Variants in LARS1 observed in about 807,000 individuals in gnomAD.
The protein encoded by LARS1 is leucyl-tRNA synthetase 1, also known as leucine--tRNA ligase, cytoplasmic.
Under a neutral mutation model 162.8 loss-of-function variants are expected in LARS1, and 100 were observed. The observed-to-expected ratio is 0.61, with a 90% CI of 0.52 to 0.73. The LOEUF (loss-of-function observed/expected upper bound fraction) is 0.73, where lower values mean the gene tolerates loss of function less well. LARS1 is among the 30% of genes least tolerant of loss of function. The pLI is 0.00. For synonymous variants in LARS1, 457 were observed against 462.8 expected, an observed-to-expected ratio of 0.99 and a Z score of 0.16; for missense variants, 1,258 against 1,408.9, an observed-to-expected ratio of 0.89 and a Z score of 1.71.
At chr5:146,162,894 C>A (rs1272643222) in intron 6 of LARS1, among the ~76,000 whole-genome samples, 1 of 152,238 alleles carries the variant, frequency 6.6e-6, no homozygotes, top group African/African-American at 2.4e-5. Flanking sequence ...CAGCTCACTG[C>A]AACCTCCTGG....
At chr5:146,182,384 T>A in intron 1 of LARS1, 104 bp downstream of exon 1, 2 of 1,483,250 alleles carry the variant, frequency 1.3e-6, no homozygotes, top group South Asian at 2.3e-5. Flanking sequence ...AGCGTGGCTC[T>A]CTTTTAGAAA....
At chr5:146,162,671 C>T (rs1261576853) in intron 6 of LARS1, among the ~76,000 whole-genome samples, 1 of 152,258 alleles carries the variant, frequency 6.6e-6, no homozygotes, top group Non-Finnish European at 1.5e-5. Context: ...ACTGACTTCT[C>T]TCTAGCTATG....
chr5:146,142,924 T>G lies in LARS1; in HGVS notation c.2038A>C (p.Asn680His). The G allele has an allele frequency of 6.2e-7, 1 of 1,614,016 alleles. No individual in the cohort carries two copies. The highest frequency in any genetic ancestry group is 1.1e-5 in the South Asian group (1 of 91,080). Residue 680 changes from asparagine to histidine, a missense_variant, in exon 20 of 32, where the codon AAT becomes CAT. Coordinates refer to ENST00000394434, the MANE Select transcript of LARS1 (RefSeq NM_020117.11). Reference protein sequence around the residue: ...LRVSGKDLVPNHLSYYLYNHV... With the variant: ...LRVSGKDLVPHHLSYYLYNHV... The stretch of plus-strand genomic sequence containing the variant: ...TTATAAAGGTAATATGAAAGATGAT[T>G]TGGAACAAGATCCTTGCCAGAGACG...
Position 146,172,712 on chromosome 5 carries a change from T to C in LARS1, c.188A>G (p.His63Arg). 6.3e-7 allele frequency: 1 copy of C among 1,583,234 alleles called. No individual in the cohort carries two copies. Among genetic ancestry groups the C allele is most frequent in the Non-Finnish European group, 8.6e-7 (1 of 1,165,776 alleles). Residue 63 changes from histidine (H) to arginine (R), a missense_variant, in exon 3 of 32, where the codon CAC becomes CGC. Physicochemically the swap from His to Arg is conservative, Grantham distance 29. Transcript: ENST00000394434. ...CTCACATTTGGATAAAGAAAACGTG[T>C]GTCCCAAATGAAGGCGTCCATTCAT... ...PYMNGRLHLG[H>R]TFSLSKCEFA... is the part of the protein sequence containing the mutation.
At chr5:146,142,748 A>C (rs1752840218) in intron 20 of LARS1, 124 bp downstream of exon 20, 1 of 737,654 alleles carries the variant, frequency 1.4e-6, no homozygotes, top group Non-Finnish European at 2.2e-6. Context: ...ATTTAAGATA[A>C]GAAAAAGAAT....
intron 5 of LARS1, 72 bp downstream of exon 5, chr5:146,168,056 G>T: frequency 7.9e-7 from 1 of 1,270,804 alleles, no homozygotes; most frequent in Non-Finnish European, 1.1e-6. Context: ...CACTGTGCTA[G>T]TACTGGGAAT....
rs559484167 is a variant in LARS1 at position 146,158,879 on chromosome 5, G to A, written c.771+528C>T. Among the ~76,000 whole-genome samples the A allele has an allele frequency of 3.8e-3, 576 of 152,164 alleles. 2 individuals carry two copies. The highest frequency in any genetic ancestry group is 0.013 in the African/African-American group (556 of 41,494). Reference sequence around the variant, plus strand: ...TGGGAGGCCAAGGCGGGCAGATCACGAGGTCAGGAGATCGAGACCATCCTG... The same window carrying A: ...TGGGAGGCCAAGGCGGGCAGATCACAAGGTCAGGAGATCGAGACCATCCTG... On this transcript the variant is annotated intron_variant, in intron 8 of 31. Transcript: ENST00000394434.
intron 24 of LARS1, chr5:146,130,458 T>C (rs1458809417): frequency 6.6e-6 from 2 of 303,782 alleles, no homozygotes; most frequent in East Asian, 8.7e-5. Flanking sequence ...CTTAGCAGCA[T>C]ATAGGATATT....
intron 6 of LARS1, among the ~76,000 whole-genome samples, chr5:146,163,152 A>G (rs1031938835): frequency 6.6e-6 from 1 of 152,082 alleles, no homozygotes; most frequent in Non-Finnish European, 1.5e-5. Flanking sequence ...TCTTTCCTTA[A>G]ACCTTAAGAA....
intron 1 of LARS1, among the ~76,000 whole-genome samples, chr5:146,179,400 G>T (rs1201160179): frequency 1.3e-5 from 2 of 151,952 alleles, no homozygotes; most frequent in Non-Finnish European, 2.9e-5. Context: ...GACCTCAGGT[G>T]GTCCACCCGT....
intron 2 of LARS1, among the ~76,000 whole-genome samples, chr5:146,173,126 C>T (rs1321301118): frequency 6.6e-6 from 1 of 152,050 alleles, no homozygotes; most frequent in Non-Finnish European, 1.5e-5. Context: ...GGCTGGTGGA[C>T]TGCTTGAGGC....
chr5:146,157,474 T>C lies in LARS1; in HGVS notation c.994A>G (p.Arg332Gly), dbSNP rs772937922. The C allele has an allele frequency of 1.2e-6, 2 of 1,614,226 alleles. No individual in the cohort carries two copies. Among genetic ancestry groups the C allele is most frequent in the Non-Finnish European group, 1.7e-6 (2 of 1,180,030 alleles). ...GTAAAGCCCTGGTATGACATATTCCTGGCTGCTTTTTGGGTACAGATGAAT... is the reference window on the plus strand; with the variant it reads ...GTAAAGCCCTGGTATGACATATTCCCGGCTGCTTTTTGGGTACAGATGAAT... ...DIFICTQKAARNMSYQGFTKD... is the reference protein window; with the variant it reads ...DIFICTQKAAGNMSYQGFTKD... Residue 332 changes from arginine to glycine, a missense_variant, in exon 10 of 32, where the codon AGG becomes GGG. Arg to Gly is a moderately radical substitution (Grantham distance 125). Transcript: ENST00000394434.
chr5:146,154,850 A>G (rs1270666059), intron 10 of LARS1, among the ~76,000 whole-genome samples: 1 of 152,114 alleles, frequency 6.6e-6, no homozygotes, highest in Non-Finnish European at 1.5e-5. Context: ...TACCTACTAG[A>G]GGAAAAATAA....
At chr5:146,179,837 A>C (rs1224670212) in intron 1 of LARS1, among the ~76,000 whole-genome samples, 1 of 152,212 alleles carries the variant, frequency 6.6e-6, no homozygotes, top group Non-Finnish European at 1.5e-5. Context: ...TCCTAGGCTC[A>C]AGCAATCCAC....
intron 13 of LARS1, 121 bp from the exon 14 acceptor site, chr5:146,152,123 C>T: frequency 1.0e-6 from 1 of 995,930 alleles, no homozygotes; most frequent in Non-Finnish European, 1.5e-6. Context: ...GTCATTACGA[C>T]ACTGCCACAC....
intron 24 of LARS1, 81 bp downstream of exon 24, chr5:146,130,938 A>C: frequency 1.4e-6 from 1 of 712,012 alleles, no homozygotes; most frequent in East Asian, 2.8e-5. Flanking sequence ...TAATTGTGCT[A>C]TAGCAGGAAG....
chr5:146,167,656 A>G (rs1334054790), intron 5 of LARS1, among the ~76,000 whole-genome samples: 1 of 151,392 alleles, frequency 6.6e-6, no homozygotes, highest in African/African-American at 2.4e-5. Flanking sequence ...GGCCTCCCCA[A>G]GTGCTGGGAT....
intron 22 of LARS1, 137 bp from the exon 23 acceptor site, chr5:146,133,218 C>T (rs1222269633): frequency 8.1e-6 from 5 of 619,732 alleles, no homozygotes; most frequent in Non-Finnish European, 1.3e-5. Context: ...CCTGGATCAA[C>T]AACAAAAATT....
At chr5:146,128,428 T>A (rs1752130251) in intron 27 of LARS1, among the ~76,000 whole-genome samples, 1 of 152,134 alleles carries the variant, frequency 6.6e-6, no homozygotes, top group Admixed American at 6.6e-5. Context: ...TTCTTTTGAT[T>A]ACATTCAACT....
Sources: allele counts gnomAD v4.1 joint callset (sites outside exome capture counted in the v4.1 genomes callset), GRCh38; gene constraint gnomAD v4.1.1; transcripts MANE v1.5; gene names NCBI Gene and HGNC (gene_info 2026-07-23, HGNC 2026-07-21).